Variants in LYSMD2 observed in about 807,000 individuals in gnomAD.
LYSMD2 encodes lysM and putative peptidoglycan-binding domain-containing protein 2.
A neutral mutation model predicts 17.7 loss-of-function variants in LYSMD2; 6 were observed. That is an observed-to-expected ratio of 0.34 (90% confidence interval 0.19 to 0.67). The LOEUF (loss-of-function observed/expected upper bound fraction) is 0.67, where lower values mean the gene tolerates loss of function less well. Ranked by LOEUF, LYSMD2 falls within the 30% of genes least tolerant of loss-of-function variation. The pLI is 0.69. For synonymous variants in LYSMD2, 102 were observed against 129.8 expected (o/e 0.79, Z 1.45); for missense variants, 237 against 286.7 (o/e 0.83, Z 1.25).
chr15:51,737,268 C>G lies in LYSMD2; in HGVS notation c.273+82G>C. The stretch of plus-strand genomic sequence containing the variant: ...CCCAAACCCCCACCCGCAGTCCCAC[C>G]CCCACCCCCACCGCACCCCGAGCCG... On this transcript the variant is annotated intron_variant, in intron 1 of 2. Coordinates refer to ENST00000267838, the MANE Select transcript of LYSMD2 (RefSeq NM_153374.3). The surrounding 1 kb of genome is among the most constrained non-coding windows in gnomAD (Gnocchi z 4.2). 8.4e-6 allele frequency: 7 copies of G among 835,550 alleles called. No individual in the cohort carries two copies. Among genetic ancestry groups the G allele is most frequent in the Non-Finnish European group, 1.1e-5 (7 of 622,516 alleles). The allele number at this position is 835,550 out of a possible 1,614,324, so 51.8% of individuals were successfully genotyped here. A position where few individuals can be genotyped will look rare whatever the true frequency, so the allele number is the denominator to read the frequency against.
At chr15:51,727,550 T>G (rs2055548074) in intron 1 of LYSMD2, among the ~76,000 whole-genome samples, 1 of 152,146 alleles carries the variant, frequency 6.6e-6, no homozygotes, top group African/African-American at 2.4e-5. Flanking sequence ...CCTCTGAGAG[T>G]GTTATCTGTA....
At chr15:51,748,616 G>A (rs1444830308) in intron 1 of LYSMD2, among the ~76,000 whole-genome samples, 1 of 152,116 alleles carries the variant, frequency 6.6e-6, no homozygotes, top group Non-Finnish European at 1.5e-5. Flanking sequence ...CAGAAGAAGG[G>A]CAGCACTGGG....
intron 1 of LYSMD2, among the ~76,000 whole-genome samples, chr15:51,729,721 G>T (rs1434788556): frequency 6.6e-6 from 1 of 152,244 alleles, no homozygotes; most frequent in South Asian, 2.1e-4. Context: ...GTCTCCCAAA[G>T]TATTGGGATT....
intron 1 of LYSMD2, among the ~76,000 whole-genome samples, chr15:51,749,533 C>T (rs1354591294): frequency 1.3e-5 from 2 of 152,192 alleles, no homozygotes; most frequent in African/African-American, 2.4e-5. Flanking sequence ...TGAAGGAATA[C>T]TCTATTCGTT....
chr15:51,742,981 C>T (rs914214547), intron 1 of LYSMD2, among the ~76,000 whole-genome samples: 9 of 152,158 alleles, frequency 5.9e-5, no homozygotes, highest in African/African-American at 2.2e-4. Flanking sequence ...TACATGCATA[C>T]ATACATACAT....
At chr15:51,728,488 T>G (rs565329424) in intron 1 of LYSMD2, among the ~76,000 whole-genome samples, 3 of 151,722 alleles carry the variant, frequency 2.0e-5, no homozygotes, top group South Asian at 4.2e-4. Flanking sequence ...TTAAATTTAA[T>G]GAAAAGTAAG....
chr15:51,743,174 C>A (rs1184618591), intron 1 of LYSMD2, among the ~76,000 whole-genome samples: 1 of 152,090 alleles, frequency 6.6e-6, no homozygotes, highest in Non-Finnish European at 1.5e-5. Context: ...GGGGGTCTCA[C>A]TATATTGCCC....
At chr15:51,746,053 A>G (rs796211083) in intron 1 of LYSMD2, among the ~76,000 whole-genome samples, 14 of 152,338 alleles carry the variant, frequency 9.2e-5, no homozygotes, top group African/African-American at 3.4e-4. Context: ...TGGTCCCTCA[A>G]TATGCTTCAT....
At chr15:51,725,197 T>A in intron 1 of LYSMD2, 76 bp from the exon 2 acceptor site, 2 of 907,136 alleles carry the variant, frequency 2.2e-6, no homozygotes, top group Non-Finnish European at 3.3e-6. Flanking sequence ...AATACAGAAC[T>A]ACCAATATTC....
rs1211614982 is a variant in LYSMD2, at chr15:51,723,509, A to T, written c.*98T>A. On this transcript the variant is annotated 3_prime_UTR_variant, in exon 3 of 3. Coordinates refer to ENST00000267838, the MANE Select transcript of LYSMD2 (RefSeq NM_153374.3). ...TAGTTATGATTTTAAGATGGACACT[A>T]TAGGAATCCAGAAGGGATGTTTTTG... The T allele has an allele frequency of 2.1e-6, 2 of 965,912 alleles. No homozygotes were observed. The highest frequency in any genetic ancestry group is 3.4e-6 in the Non-Finnish European group (2 of 596,148). 59.8% of individuals were successfully genotyped at this position (965,912 alleles called of 1,614,324 possible).
intron 1 of LYSMD2, among the ~76,000 whole-genome samples, chr15:51,728,836 C>T (rs1321553918): frequency 6.6e-6 from 1 of 151,432 alleles, no homozygotes; most frequent in Non-Finnish European, 1.5e-5. Context: ...TGCCATTGTA[C>T]TCCACCCTGG....
chr15:51,736,338 C>T (rs924028428), intron 1 of LYSMD2, among the ~76,000 whole-genome samples: 1 of 152,182 alleles, frequency 6.6e-6, no homozygotes, highest in African/African-American at 2.4e-5. Flanking sequence ...CAGAATGGGG[C>T]TCTCCATGGC....
chr15:51,742,700 G>T (rs1244918401), intron 1 of LYSMD2, among the ~76,000 whole-genome samples: 2 of 152,176 alleles, frequency 1.3e-5, no homozygotes, highest in South Asian at 2.1e-4. Context: ...GCTCATGCAT[G>T]TAATACCAGC....
At chr15:51,727,476 T>C (rs993856848) in intron 1 of LYSMD2, among the ~76,000 whole-genome samples, 4 of 152,246 alleles carry the variant, frequency 2.6e-5, no homozygotes, top group African/African-American at 4.8e-5. Context: ...ACTTCCCTTG[T>C]TGGTTCCCTC....
chr15:51,751,411 C>T (rs2055700822), exon 1 of LYSMD2: 1 of 699,808 alleles, frequency 1.4e-6, no homozygotes, highest in Non-Finnish European at 2.6e-6. Flanking sequence ...CTCCCCGACC[C>T]AGGTGCTTCC....
Position 51,731,466 on chromosome 15 carries a change from C to T in LYSMD2, c.273+5884G>A, listed in dbSNP as rs146844195. Among the ~76,000 whole-genome samples, 483 of 152,328 alleles carry T rather than the reference C, an allele frequency of 3.2e-3. 8 individuals are homozygous for T. Among genetic ancestry groups the T allele is most frequent in the Non-Finnish European group, 2.8e-3 (188 of 68,028 alleles). ...TGTTTATTCCCCCAAAAATGACAAT[C>T]ATTTCACCTTTTCTCAGCAAGGTAA... On this transcript the variant is annotated intron_variant, in intron 1 of 2. Coordinates refer to ENST00000267838, the MANE Select transcript of LYSMD2 (RefSeq NM_153374.3).
At chr15:51,746,334 G>A (rs1407683241) in intron 1 of LYSMD2, among the ~76,000 whole-genome samples, 1 of 152,150 alleles carries the variant, frequency 6.6e-6, no homozygotes, top group Non-Finnish European at 1.5e-5. Flanking sequence ...TATAATTAGG[G>A]AAAGAAGCCA....
chr15:51,751,404 C>T (rs2055700726), exon 1 of LYSMD2: 2 of 700,884 alleles, frequency 2.9e-6, no homozygotes, highest in Non-Finnish European at 5.2e-6. Flanking sequence ...CAGGCTTCTC[C>T]CCGACCCAGG....
In LYSMD2 at chr15:51,725,013, G is replaced by C. The variant is rs746734708; in HGVS notation, c.382C>G (p.Leu128Val). 6.2e-7 allele frequency: 1 copy of C among 1,612,934 alleles called. No individual in the cohort carries two copies. Among genetic ancestry groups the C allele is most frequent in the South Asian group, 1.1e-5 (1 of 91,044 alleles). Reference protein sequence around the residue: ...ISEKPLLFNGLNSIDSPENET... With the variant: ...ISEKPLLFNGVNSIDSPENET... ...TTTTCTGGAGAATCAATGGAGTTAAGTCCATTAAACAACAAAGGCTTCTCT... is the reference window on the plus strand; with the variant it reads ...TTTTCTGGAGAATCAATGGAGTTAACTCCATTAAACAACAAAGGCTTCTCT... The change falls in exon 2 of 3, where the codon CTT becomes GTT. Residue 128 changes from leucine to valine, a missense_variant. Transcript: ENST00000267838.
Sources: gnomAD v4.1 joint callset for allele counts (sites outside exome capture counted in the v4.1 genomes callset) on GRCh38, gnomAD v4.1.1 for gene constraint, Gnocchi (gnomAD v3.1) non-coding constraint, MANE v1.5 for transcripts, NCBI Gene and HGNC (gene_info 2026-07-23, HGNC 2026-07-21) for gene names.